The following ANK2 variants were observed in gnomAD, a reference collection of about 807,000 sequenced individuals.
ANK2 encodes the protein ankyrin-2.
A neutral mutation model predicts 360.5 loss-of-function variants in ANK2; 83 were observed. The ratio of observed to expected loss-of-function variants is 0.23; its 90% CI spans 0.19 to 0.28. The LOEUF (loss-of-function observed/expected upper bound fraction) is 0.28, where lower values mean the gene tolerates loss of function less well. Among genes scored for constraint, ANK2 ranks in the 10% least tolerant of loss-of-function variants. The probability of loss-of-function intolerance (pLI) is 1.00; values close to 1 mark genes in which losing one functional copy is unlikely to be tolerated. For synonymous variants in ANK2, 1,740 were observed against 1,759.5 expected, an observed-to-expected ratio of 0.99 and a Z score of 0.28; for missense variants, 4,201 against 4,795.7, an observed-to-expected ratio of 0.88 and a Z score of 3.66.
At chr4:112,927,745 A>G (rs2092740365) in intron 2 of ANK2, among the ~76,000 whole-genome samples, 1 of 152,244 alleles carries the variant, frequency 6.6e-6, no homozygotes, top group African/African-American at 2.4e-5. Context: ...CACTGGAGAA[A>G]CATTCCTTGC....
the ANK2 span, among the ~76,000 whole-genome samples, chr4:112,732,146 ACACCACTGGGTGT>A: frequency 6.6e-6 from 1 of 152,298 alleles, no homozygotes; most frequent in East Asian, 1.9e-4. Flanking sequence ...ATCTACCAGC[ACACCACTGGGTGT>A]ATCAGCTCAT....
chr4:113,280,746 G>A (rs536337098), intron 17 of ANK2, among the ~76,000 whole-genome samples: 1 of 152,290 alleles, frequency 6.6e-6, no homozygotes, highest in Admixed American at 6.5e-5. Context: ...CTTGTAGGTT[G>A]AGTATCTACC....
chr4:112,942,915 A>G (rs1211560279), intron 2 of ANK2, among the ~76,000 whole-genome samples: 3 of 152,062 alleles, frequency 2.0e-5, no homozygotes, highest in Non-Finnish European at 4.4e-5. Context: ...AACTAACTGC[A>G]ATCTAAAGTA....
At chr4:112,998,575 A>G (rs1379929972) in intron 2 of ANK2, among the ~76,000 whole-genome samples, 1 of 152,174 alleles carries the variant, frequency 6.6e-6, no homozygotes, top group African/African-American at 2.4e-5. Flanking sequence ...ATACTCATTG[A>G]TCAGGTTTCC....
intron 2 of ANK2, among the ~76,000 whole-genome samples, chr4:112,922,343 A>G (rs1031032170): frequency 6.6e-6 from 1 of 152,134 alleles, no homozygotes; most frequent in Non-Finnish European, 1.5e-5. Context: ...GTTGCATTCA[A>G]TCTGTGACTG....
intron 1 of ANK2, among the ~76,000 whole-genome samples, chr4:112,851,203 C>A (rs532913857): frequency 6.6e-6 from 1 of 152,260 alleles, no homozygotes; most frequent in South Asian, 2.1e-4. Flanking sequence ...ATTATATAGG[C>A]CACTTTGAGA....
At chr4:113,298,635 T>C (rs2073251143) in intron 22 of ANK2, among the ~76,000 whole-genome samples, 1 of 152,260 alleles carries the variant, frequency 6.6e-6, no homozygotes, top group Non-Finnish European at 1.5e-5. Flanking sequence ...ATCTATTATA[T>C]ACCATTTCTT....
At chr4:113,102,821 C>T (rs981049840) in intron 1 of ANK2, among the ~76,000 whole-genome samples, 9 of 152,084 alleles carry the variant, frequency 5.9e-5, no homozygotes, top group Non-Finnish European at 1.0e-4. Context: ...AGATATCCTC[C>T]TCTTTATTGT....
chr4:112,733,729 T>TAGAAA, the ANK2 span, among the ~76,000 whole-genome samples: 4 of 152,246 alleles, frequency 2.6e-5, no homozygotes, highest in East Asian at 3.9e-4. Context: ...ATATATTGCA[T>TAGAAA]AGAAAAGAAA....
At chr4:113,141,105 A>G (rs866270523) in intron 1 of ANK2, 5 of 152,274 alleles carry the variant, frequency 3.3e-5, no homozygotes, top group Admixed American at 1.3e-4. Context: ...TTGGGAGAGT[A>G]AGAATGTTTC....
Position 113,354,945 on chromosome 4 carries a change from A to C in ANK2, c.6327A>C (p.Glu2109Asp), listed in dbSNP as rs759190409. Residue 2109 changes from glutamate (E) to aspartate (D), a missense_variant, in exon 38 of 46, where the codon GAA becomes GAC. Physicochemically the swap from Glu to Asp is conservative, Grantham distance 45 (BLOSUM62 2). Transcript: ENST00000357077. ...AAGAAGAAAGCCACAGAGAGAGCGA[A>C]GTGCCCAAAGAAAAGATGGCTGATG... ...VPEEESHRES[E>D]VPKEKMADEQ... 1 of 1,614,082 alleles carries C rather than the reference A, an allele frequency of 6.2e-7. No homozygotes were observed. The highest frequency in any genetic ancestry group is 8.5e-7 in the Non-Finnish European group (1 of 1,179,980).
At chr4:113,370,945 A>C (rs867357507) in intron 43 of ANK2, among the ~76,000 whole-genome samples, 1 of 152,148 alleles carries the variant, frequency 6.6e-6, no homozygotes, top group African/African-American at 2.4e-5. Context: ...TCTCAGCCAC[A>C]AAAAAAGTAT....
At chr4:112,727,743 C>T in the ANK2 span, among the ~76,000 whole-genome samples, 1 of 152,156 alleles carries the variant, frequency 6.6e-6, no homozygotes. Context: ...CGTTGGGAGG[C>T]TGAGGTGGGC....
chr4:113,218,891 C>A (rs2099117507), intron 4 of ANK2, among the ~76,000 whole-genome samples: 1 of 151,954 alleles, frequency 6.6e-6, no homozygotes, highest in Non-Finnish European at 1.5e-5. Flanking sequence ...GAACAATAAC[C>A]AGTTAAGTTA....
chr4:112,897,269 G>A (rs2082046394), intron 1 of ANK2, among the ~76,000 whole-genome samples: 1 of 152,072 alleles, frequency 6.6e-6, no homozygotes, highest in Non-Finnish European at 1.5e-5. Flanking sequence ...GGGAGCCTGG[G>A]GTTCTTTGAC....
the ANK2 span, among the ~76,000 whole-genome samples, chr4:112,774,342 C>G: frequency 6.6e-6 from 1 of 151,948 alleles, no homozygotes; most frequent in Non-Finnish European, 1.5e-5. Context: ...CTGGCTAACA[C>G]GGTGAAACCC....
intron 1 of ANK2, among the ~76,000 whole-genome samples, chr4:113,089,812 G>A (rs1205074804): frequency 1.3e-5 from 2 of 151,318 alleles, no homozygotes; most frequent in South Asian, 2.1e-4. Flanking sequence ...TAACAAGAGC[G>A]AATCTCTGTC....
intron 1 of ANK2, among the ~76,000 whole-genome samples, chr4:113,122,698 A>G (rs1382785829): frequency 6.6e-6 from 1 of 152,134 alleles, no homozygotes; most frequent in Non-Finnish European, 1.5e-5. Flanking sequence ...GAGTCTAAAT[A>G]AAAATGTTCA....
chr4:112,817,634 CATAT>C (rs908522542), upstream of ANK2, among the ~76,000 whole-genome samples: 1 of 151,338 alleles, frequency 6.6e-6, no homozygotes, highest in Non-Finnish European at 1.5e-5. Flanking sequence ...ATGACTTAAA[CATAT>C]ATATATGTAT....
Sources: gnomAD v4.1 joint callset for allele counts (sites outside exome capture counted in the v4.1 genomes callset) on GRCh38, gnomAD v4.1.1 for gene constraint, MANE v1.5 for transcripts, NCBI Gene and HGNC (gene_info 2026-07-23, HGNC 2026-07-21) for gene names.